PTPRR: variants seen among roughly 807,000 people sequenced by gnomAD.
The protein encoded by PTPRR is receptor-type tyrosine-protein phosphatase R.
Under a neutral mutation model 77.2 loss-of-function variants are expected in PTPRR, and 38 were observed. The ratio of observed to expected loss-of-function variants is 0.49; its 90% CI spans 0.38 to 0.65. PTPRR has a LOEUF of 0.65. Ranked by LOEUF, PTPRR falls within the 30% of genes least tolerant of loss-of-function variation. The pLI is 0.00. For missense variants in PTPRR, 744 were observed against 799.2 expected (o/e 0.93, Z 0.83); for synonymous variants, 299 against 283.1 (o/e 1.06, Z -0.57).
At chr12:70,662,676 G>C in intron 10 of PTPRR, 71 bp from the exon 11 acceptor site, 1 of 817,472 alleles carries the variant, frequency 1.2e-6, no homozygotes, top group Non-Finnish European at 2.0e-6. Context: ...TTTCATTCAA[G>C]CATCTCAAGA....
intron 2 of PTPRR, among the ~76,000 whole-genome samples, chr12:70,872,637 A>G (rs1191318506): frequency 7.1e-6 from 1 of 140,882 alleles, no homozygotes; most frequent in Admixed American, 8.0e-5. Flanking sequence ...CAGAGCTTGC[A>G]TGAGCCAAGA....
Position 70,671,997 on chromosome 12 carries a change from T to G in PTPRR, c.1498-9392A>C, listed in dbSNP as rs147268984. 9.4e-3 allele frequency: 12,298 copies of G among 1,301,744 alleles called. 75 individuals carry two copies. The highest frequency in any genetic ancestry group is 0.011 in the Non-Finnish European group (10,118 of 899,542). The allele number at this position is 1,301,744 out of a possible 1,614,324, so 80.6% of individuals were successfully genotyped here. On this transcript the variant is annotated intron_variant, in intron 10 of 13. Coordinates refer to ENST00000283228, the MANE Select transcript of PTPRR (RefSeq NM_002849.4). ...TGGCCCTTTCAACCCTCCAGAGACA[T>G]GAGACTAGTCCAGTTCCAGGCACCC...
intron 6 of PTPRR, among the ~76,000 whole-genome samples, chr12:70,707,409 G>A (rs569898580): frequency 5.3e-4 from 80 of 149,904 alleles, no homozygotes; most frequent in Middle Eastern, 7.0e-3. Context: ...CATTGCATAT[G>A]ATTTACTTTT....
At chr12:70,858,178 T>C (rs543824396) in intron 2 of PTPRR, among the ~76,000 whole-genome samples, 44 of 152,168 alleles carry the variant, frequency 2.9e-4, no homozygotes, top group African/African-American at 9.9e-4. Flanking sequence ...TCTTCTTAAT[T>C]GATTCTTTCT....
At chr12:70,728,461 T>C (rs568046335) in intron 6 of PTPRR, among the ~76,000 whole-genome samples, 57 of 71,816 alleles carry the variant, frequency 7.9e-4, no homozygotes, top group Middle Eastern at 8.6e-3. Context: ...TATATATATA[T>C]ACATATATGT....
intron 1 of PTPRR, among the ~76,000 whole-genome samples, chr12:70,918,302 T>C (rs1893804105): frequency 6.6e-6 from 1 of 152,226 alleles, no homozygotes; most frequent in Non-Finnish European, 1.5e-5. Flanking sequence ...TACAATCTGC[T>C]GTGATAAAAC....
At chr12:70,813,986 G>T (rs1034765122) in intron 2 of PTPRR, among the ~76,000 whole-genome samples, 7 of 152,122 alleles carry the variant, frequency 4.6e-5, no homozygotes, top group Non-Finnish European at 8.8e-5. Flanking sequence ...GATAGTTCCT[G>T]TTTCCACCAG....
intron 10 of PTPRR, chr12:70,672,239 G>T (rs114230899): frequency 1.3e-6 from 2 of 1,589,844 alleles, no homozygotes; most frequent in Admixed American, 3.4e-5. Flanking sequence ...GCCAGATAAG[G>T]TGGTGTGTGT....
chr12:70,735,913 G>A (rs1889847058), intron 6 of PTPRR, among the ~76,000 whole-genome samples: 2 of 152,182 alleles, frequency 1.3e-5, no homozygotes, highest in Admixed American at 6.5e-5. Context: ...AGCACGGGCA[G>A]CAGCTTAGTG....
chr12:70,901,078 A>T (rs77215436), intron 1 of PTPRR, among the ~76,000 whole-genome samples: 44 of 151,552 alleles, frequency 2.9e-4, no homozygotes, highest in Non-Finnish European at 4.7e-4. Context: ...TCCAACAAGC[A>T]TTTCCTTTGA....
intron 5 of PTPRR, among the ~76,000 whole-genome samples, chr12:70,752,169 C>T (rs1890420991): frequency 6.6e-6 from 1 of 152,092 alleles, no homozygotes; most frequent in East Asian, 1.9e-4. Context: ...AAATAGGGAT[C>T]TTATCTGTCT....
intron 1 of PTPRR, among the ~76,000 whole-genome samples, chr12:70,918,028 CA>C (rs1257738739): frequency 3.3e-5 from 5 of 152,182 alleles, no homozygotes; most frequent in Non-Finnish European, 5.9e-5. Context: ...ATAAAAGTAA[CA>C]AACTCACACC....
chr12:70,813,394 C>T (rs988812302), intron 2 of PTPRR, among the ~76,000 whole-genome samples: 4 of 146,040 alleles, frequency 2.7e-5, no homozygotes, highest in Non-Finnish European at 5.9e-5. Flanking sequence ...GGATATTTTA[C>T]GTTTTTGACA....
intron 6 of PTPRR, among the ~76,000 whole-genome samples, chr12:70,721,695 A>G (rs529445991): frequency 2.0e-5 from 3 of 152,328 alleles, no homozygotes; most frequent in African/African-American, 7.2e-5. Context: ...TATAGGATTC[A>G]TAACACCGCA....
At chr12:70,650,496 G>A (rs7955720) in intron 13 of PTPRR, among the ~76,000 whole-genome samples, 28,735 of 151,862 alleles carry the variant, frequency 0.19, 3,907 homozygotes, top group African/African-American at 0.39. Flanking sequence ...ACTTAGTCAA[G>A]AACCTACTTT....
chr12:70,645,253 A>G (rs573221810), intron 13 of PTPRR, among the ~76,000 whole-genome samples: 5 of 152,310 alleles, frequency 3.3e-5, no homozygotes, highest in Admixed American at 1.3e-4. Flanking sequence ...ATTGTTCACA[A>G]AGAAGTTTGA....
At chr12:70,919,673 GTTTTTT>G (rs58439089) in intron 1 of PTPRR, among the ~76,000 whole-genome samples, 1 of 110,084 alleles carries the variant, frequency 9.1e-6, no homozygotes, top group African/African-American at 3.1e-5. Flanking sequence ...AACTGTAATT[GTTTTTT>G]TTTTTTTTTT....
At chr12:70,657,097 T>G (rs1886613668) in intron 12 of PTPRR, among the ~76,000 whole-genome samples, 1 of 152,094 alleles carries the variant, frequency 6.6e-6, no homozygotes. Context: ...AGGTCTGCAC[T>G]TAGGCAAGAT....
chr12:70,786,128 G>A (rs1006802940), intron 2 of PTPRR, among the ~76,000 whole-genome samples: 3 of 152,102 alleles, frequency 2.0e-5, no homozygotes, highest in Admixed American at 6.6e-5. Flanking sequence ...TCTGAAAAAC[G>A]AGGTCAGACA....
Sources: allele counts gnomAD v4.1 joint callset (sites outside exome capture counted in the v4.1 genomes callset), GRCh38; gene constraint gnomAD v4.1.1; transcripts MANE v1.5; gene names NCBI Gene and HGNC (gene_info 2026-07-23, HGNC 2026-07-21).